CDH4: variants seen among roughly 807,000 people sequenced by gnomAD.
CDH4 encodes the protein cadherin-4.
A neutral mutation model predicts 86.0 loss-of-function variants in CDH4; 33 were observed. The ratio of observed to expected loss-of-function variants is 0.38; its 90% CI spans 0.29 to 0.51. CDH4 has a LOEUF of 0.51. Ranked by LOEUF, CDH4 falls within the 20% of genes least tolerant of loss-of-function variation. The pLI, the probability that CDH4 is intolerant of heterozygous loss-of-function variation, is 0.86. For missense variants in CDH4, 1,114 were observed against 1,307.4 expected, an observed-to-expected ratio of 0.85 and a Z score of 2.28; for synonymous variants, 555 against 549.4, an observed-to-expected ratio of 1.01 and a Z score of -0.14.
rs182748076 is a variant in CDH4 at position 61,319,223 on chromosome 20, G to T, written c.169+64286G>T. On this transcript the variant is annotated intron_variant, in intron 2 of 15. Coordinates refer to ENST00000614565, the MANE Select transcript of CDH4 (RefSeq NM_001794.5). ...ATTATAATATATAATAATACAATAA[G>T]CAGGTGCATTATTATCCCCATTTTA... 2.6e-5 allele frequency among the ~76,000 whole-genome samples: 4 copies of T among 151,808 alleles called. No individual in the cohort carries two copies. In the East Asian group the frequency reaches 7.7e-4, roughly 29 times the overall value.
chr20:61,804,027 C>G (rs987735966), intron 4 of CDH4, among the ~76,000 whole-genome samples: 13 of 152,226 alleles, frequency 8.5e-5, no homozygotes, highest in Non-Finnish European at 1.3e-4. Context: ...GCCAAACTCA[C>G]AAATGTTCTT....
chr20:61,847,371 G>C (rs911426604), intron 5 of CDH4, among the ~76,000 whole-genome samples: 1 of 152,196 alleles, frequency 6.6e-6, no homozygotes, highest in East Asian at 1.9e-4. Flanking sequence ...CTAGAGGTTG[G>C]AATGGCCACT....
chr20:61,694,556 A>G (rs2087695983), intron 2 of CDH4, among the ~76,000 whole-genome samples: 1 of 152,218 alleles, frequency 6.6e-6, no homozygotes, highest in Non-Finnish European at 1.5e-5. Flanking sequence ...GAGGCTGTGC[A>G]CCTTGGGGAT....
At position 61,879,396 on chromosome 20, in the gene CDH4, C is replaced by T. The variant is rs556336820; in HGVS notation, c.1050+5496C>T. Among the ~76,000 whole-genome samples, 3 of 152,344 alleles carry T rather than the reference C, an allele frequency of 2.0e-5. No homozygotes were observed. The South Asian group carries it at 6.2e-4, about 32-fold the overall frequency. On this transcript the variant is annotated intron_variant, in intron 7 of 15. Transcript: ENST00000614565. This position sits in a 1 kb window ranked among gnomAD's most constrained non-coding sequence, Gnocchi z 4.1. ...CCTCCCCCTTTAAAAAGATTCATCT[C>T]CCCTGCCCTTGGGCAACAAGCAGAG...
At chr20:61,426,039 TGAGAC>T (rs1262106499) in intron 2 of CDH4, among the ~76,000 whole-genome samples, 2 of 152,262 alleles carry the variant, frequency 1.3e-5, no homozygotes, top group Non-Finnish European at 2.9e-5. Context: ...ACCTCTCTGG[TGAGAC>T]CACGGGGAGA....
intron 2 of CDH4, among the ~76,000 whole-genome samples, chr20:61,610,509 G>A (rs1430820908): frequency 6.6e-6 from 1 of 152,200 alleles, no homozygotes; most frequent in Non-Finnish European, 1.5e-5. Flanking sequence ...CCTTTAGGAT[G>A]AGTGCCCAGC....
chr20:61,937,934 G>A lies in CDH4; in HGVS notation c.*991G>A, dbSNP rs558879811. 7.9e-5 allele frequency: 12 copies of A among 152,534 alleles called. No homozygotes were observed. In the East Asian group the frequency reaches 2.3e-3, roughly 29 times the overall value. 9.4% of individuals were successfully genotyped at this position (152,534 alleles called of 1,614,324 possible). A position where few individuals can be genotyped will look rare whatever the true frequency, so the allele number is the denominator to read the frequency against. ...CTCTCGACAGCTCCAACCATCCGGA[G>A]GGCTGTGCAGATGGCAGGAACCAAG... On this transcript the variant is annotated 3_prime_UTR_variant, in exon 16 of 16. Coordinates refer to ENST00000614565, the MANE Select transcript of CDH4 (RefSeq NM_001794.5).
chr20:61,504,421 TTAGA>T (rs1233387432), intron 2 of CDH4, among the ~76,000 whole-genome samples: 1 of 152,174 alleles, frequency 6.6e-6, no homozygotes, highest in Admixed American at 6.5e-5. Flanking sequence ...AAACATGACC[TTAGA>T]TAGAGGTGGG....
At chr20:61,255,689 C>G (rs1167147034) in intron 2 of CDH4, among the ~76,000 whole-genome samples, 1 of 152,142 alleles carries the variant, frequency 6.6e-6, no homozygotes, top group Non-Finnish European at 1.5e-5. Context: ...GATAAAGTAT[C>G]GAAGCTAAAT....
Position 61,709,648 on chromosome 20 carries a change from G to A in CDH4, c.170-33915G>A, listed in dbSNP as rs534081309. Among the ~76,000 whole-genome samples the A allele has an allele frequency of 6.6e-6, 1 of 152,048 alleles. No homozygotes were observed. Among genetic ancestry groups the A allele is most frequent in the Non-Finnish European group, 1.5e-5 (1 of 67,998 alleles). ...GTGAGCAGAGGTGCATGGCAGAGAA[G>A]GTAGCATGGTTTCCAGAGTAAAGGA... is the stretch of plus-strand genomic sequence containing the variant. On this transcript the variant is annotated intron_variant, in intron 2 of 15. Transcript: ENST00000614565. The surrounding 1 kb of genome is among the most constrained non-coding windows in gnomAD (Gnocchi z 4.8).
At chr20:61,497,929 CCAT>C in intron 2 of CDH4, among the ~76,000 whole-genome samples, 1 of 151,884 alleles carries the variant, frequency 6.6e-6, no homozygotes, top group South Asian at 2.1e-4. Flanking sequence ...AAGCTGGAAA[CCAT>C]CATTCTCAGC....
At chr20:61,896,974 C>T (rs964317415) in intron 8 of CDH4, among the ~76,000 whole-genome samples, 10 of 152,080 alleles carry the variant, frequency 6.6e-5, no homozygotes, top group Admixed American at 1.3e-4. Context: ...CTGCCTTTCT[C>T]GGAGCCAGCA....
intron 2 of CDH4, among the ~76,000 whole-genome samples, chr20:61,256,231 A>G (rs1260620659): frequency 6.6e-6 from 1 of 152,146 alleles, no homozygotes; most frequent in East Asian, 1.9e-4. Context: ...ACGGTCTCTT[A>G]TAACTCGTGG....
chr20:61,378,166 G>A (rs961333598), intron 2 of CDH4, among the ~76,000 whole-genome samples: 1 of 152,172 alleles, frequency 6.6e-6, no homozygotes, highest in African/African-American at 2.4e-5. Flanking sequence ...AGGTGGGAGG[G>A]CTGCTTGAGC....
chr20:61,359,785 A>G (rs139405088), intron 2 of CDH4, among the ~76,000 whole-genome samples: 1,724 of 152,348 alleles, frequency 0.011, 16 homozygotes, highest in Non-Finnish European at 0.015. Context: ...GGGGGAGAGA[A>G]AAGAGAGAGA....
intron 2 of CDH4, among the ~76,000 whole-genome samples, chr20:61,692,560 A>G (rs1743697538): frequency 6.6e-6 from 1 of 152,198 alleles, no homozygotes; most frequent in Admixed American, 6.5e-5. Context: ...CTGTGGGCAC[A>G]TTTTGTGCCA....
At chr20:61,606,895 G>A (rs1236815085) in intron 2 of CDH4, among the ~76,000 whole-genome samples, 1 of 152,246 alleles carries the variant, frequency 6.6e-6, no homozygotes, top group Non-Finnish European at 1.5e-5. Flanking sequence ...GGCTACCGCC[G>A]GGATGTCCTG....
intron 2 of CDH4, among the ~76,000 whole-genome samples, chr20:61,301,059 A>G (rs2123204401): frequency 6.6e-6 from 1 of 152,342 alleles, no homozygotes; most frequent in Admixed American, 6.5e-5. Context: ...CTTACCTCGC[A>G]GTGTGCCCGG....
At chr20:61,321,163 G>T (rs1273110128) in intron 2 of CDH4, among the ~76,000 whole-genome samples, 9 of 152,196 alleles carry the variant, frequency 5.9e-5, no homozygotes, top group African/African-American at 2.2e-4. Flanking sequence ...GAGAGAGAAG[G>T]CTCTGTGGGT....
Sources: gnomAD v4.1 joint callset for allele counts (sites outside exome capture counted in the v4.1 genomes callset) on GRCh38, gnomAD v4.1.1 for gene constraint, Gnocchi (gnomAD v3.1) non-coding constraint, MANE v1.5 for transcripts, NCBI Gene and HGNC (gene_info 2026-07-23, HGNC 2026-07-21) for gene names.